The following DCDC2C variants were observed in gnomAD, a reference collection of about 807,000 sequenced individuals.
The protein encoded by DCDC2C is doublecortin domain containing 2C.
Under a neutral mutation model 45.0 loss-of-function variants are expected in DCDC2C, and 44 were observed. The observed-to-expected ratio is 0.98, with a 90% confidence interval of 0.77 to 1.26. The LOEUF (loss-of-function observed/expected upper bound fraction) is 1.26, where lower values mean the gene tolerates loss of function less well. DCDC2C is among the 50% of genes most tolerant of loss of function. DCDC2C has a pLI of 0.00. For missense variants in DCDC2C, 447 were observed against 468.9 expected (o/e 0.95, Z 0.43); for synonymous variants, 187 against 178.8 (o/e 1.05, Z -0.37).
At chr2:3,787,994 A>G (rs1448794587) in intron 10 of DCDC2C, among the ~76,000 whole-genome samples, 4 of 152,248 alleles carry the variant, frequency 2.6e-5, no homozygotes, top group Non-Finnish European at 5.9e-5. Flanking sequence ...AAAAACAGCA[A>G]CAACAAAACA....
intron 10 of DCDC2C, among the ~76,000 whole-genome samples, chr2:3,835,213 G>A (rs867111439): frequency 1.3e-5 from 2 of 152,288 alleles, no homozygotes; most frequent in Middle Eastern, 3.4e-3. Context: ...TAAGAAATGC[G>A]GGGCGTTCCC....
chr2:3,755,671 G>T lies in DCDC2C; in HGVS notation c.726+1037G>T, dbSNP rs141473341. Among the ~76,000 whole-genome samples, 53 of 152,194 alleles carry T rather than the reference G, an allele frequency of 3.5e-4. No individual in the cohort carries two copies. The East Asian group carries it at 9.5e-3, about 27-fold the overall frequency. On this transcript the variant is annotated intron_variant, in intron 6 of 10. Transcript: ENST00000399143. ...TGTGTGTGTACATATGGATGCATAT[G>T]TGTGTGGATGTGTGTATGGATGCAT...
chr2:3,743,361 G>T (rs1276952882), intron 4 of DCDC2C, among the ~76,000 whole-genome samples: 2 of 152,180 alleles, frequency 1.3e-5, no homozygotes, highest in East Asian at 3.8e-4. Context: ...CAGACAGAAA[G>T]TCAATAAGGA....
chr2:3,795,020 G>A (rs938927828), intron 10 of DCDC2C, among the ~76,000 whole-genome samples: 12 of 152,132 alleles, frequency 7.9e-5, no homozygotes, highest in African/African-American at 2.9e-4. Flanking sequence ...ATCCTGTCCA[G>A]CACCTGTTGT....
At chr2:3,711,848 T>A (rs1347455996) in intron 2 of DCDC2C, among the ~76,000 whole-genome samples, 1 of 152,260 alleles carries the variant, frequency 6.6e-6, no homozygotes, top group African/African-American at 2.4e-5. Flanking sequence ...ATAATATTTC[T>A]GAAAACTTAC....
chr2:3,800,269 G>T (rs1049666768), intron 10 of DCDC2C, among the ~76,000 whole-genome samples: 3 of 152,164 alleles, frequency 2.0e-5, no homozygotes, highest in Admixed American at 6.5e-5. Context: ...CCCACTGTCT[G>T]GCACTCCCTA....
chr2:3,819,034 A>G (rs1423426934), intron 10 of DCDC2C, among the ~76,000 whole-genome samples: 1 of 152,206 alleles, frequency 6.6e-6, no homozygotes, highest in Non-Finnish European at 1.5e-5. Flanking sequence ...GGCCCTTGAA[A>G]GGAAGGTAAT....
intron 9 of DCDC2C, among the ~76,000 whole-genome samples, chr2:3,781,656 T>G (rs886921344): frequency 8.5e-5 from 13 of 152,122 alleles, no homozygotes; most frequent in African/African-American, 3.1e-4. Flanking sequence ...AGCCAGGAGT[T>G]TGAGAACAGC....
At chr2:3,800,322 C>G (rs1040664008) in intron 10 of DCDC2C, among the ~76,000 whole-genome samples, 9 of 152,168 alleles carry the variant, frequency 5.9e-5, no homozygotes, top group Admixed American at 3.9e-4. Flanking sequence ...CAGAAATCAC[C>G]CGTCTTCTGT....
At chr2:3,762,796 A>G (rs1211176762) in intron 6 of DCDC2C, among the ~76,000 whole-genome samples, 1 of 152,134 alleles carries the variant, frequency 6.6e-6, no homozygotes, top group Non-Finnish European at 1.5e-5. Flanking sequence ...TGGGAACAAG[A>G]CGACCTTTGA....
At chr2:3,718,921 T>G (rs879734541) in intron 2 of DCDC2C, among the ~76,000 whole-genome samples, 18 of 152,052 alleles carry the variant, frequency 1.2e-4, no homozygotes, top group Non-Finnish European at 2.6e-4. Context: ...CTGATTAGTG[T>G]GTTTTACAAT....
At chr2:3,711,403 A>G (rs192666235) in intron 2 of DCDC2C, among the ~76,000 whole-genome samples, 1 of 152,272 alleles carries the variant, frequency 6.6e-6, no homozygotes, top group East Asian at 1.9e-4. Context: ...AATGCCCATC[A>G]ATGACAGACT....
chr2:3,755,912 T>G (rs1669701434), intron 6 of DCDC2C, among the ~76,000 whole-genome samples: 7 of 152,084 alleles, frequency 4.6e-5, no homozygotes, highest in Admixed American at 4.6e-4. Flanking sequence ...ATGTATGTAT[T>G]CACATGCATA....
chr2:3,755,103 G>C (rs1187233902), intron 6 of DCDC2C, among the ~76,000 whole-genome samples: 1 of 152,158 alleles, frequency 6.6e-6, no homozygotes, highest in East Asian at 1.9e-4. Flanking sequence ...ATGTACTGGT[G>C]CATGTGTGTG....
rs568761439 is a variant in DCDC2C at position 3,847,851 on chromosome 2, C to G, written c.*668C>G. Reference sequence around the variant, plus strand: ...TGTTTAAAAGTGTGTAGCACTTCCCCCTTCACTCTCTCTCTCCTGCTCTGC... The same window carrying G: ...TGTTTAAAAGTGTGTAGCACTTCCCGCTTCACTCTCTCTCTCCTGCTCTGC... On this transcript the variant is annotated 3_prime_UTR_variant, in exon 11 of 11. Transcript: ENST00000399143. Among the ~76,000 whole-genome samples the G allele has an allele frequency of 6.6e-6, 1 of 152,218 alleles. No individual in the cohort carries two copies. The highest frequency in any genetic ancestry group is 2.4e-5 in the African/African-American group (1 of 41,528).
intron 4 of DCDC2C, among the ~76,000 whole-genome samples, chr2:3,745,720 G>T (rs116678884): frequency 0.015 from 2,280 of 152,142 alleles, 60 homozygotes; most frequent in African/African-American, 0.051. Context: ...GGTTAGAAAC[G>T]AAGACAGTTC....
At chr2:3,816,836 A>G (rs977117768) in intron 10 of DCDC2C, among the ~76,000 whole-genome samples, 2 of 152,194 alleles carry the variant, frequency 1.3e-5, no homozygotes, top group Non-Finnish European at 2.9e-5. Context: ...GGGGGCCTGA[A>G]TAATCCCTGA....
intron 9 of DCDC2C, among the ~76,000 whole-genome samples, chr2:3,782,929 T>C (rs765332719): frequency 1.3e-5 from 2 of 152,300 alleles, no homozygotes; most frequent in East Asian, 3.9e-4. Flanking sequence ...CAAAGCAAGA[T>C]GGAAAGTATG....
chr2:3,791,790 C>T (rs975733332), intron 10 of DCDC2C, among the ~76,000 whole-genome samples: 3 of 152,222 alleles, frequency 2.0e-5, no homozygotes, highest in Non-Finnish European at 4.4e-5. Context: ...AATGTCTTCT[C>T]CTCTAAGCCA....
Sources: allele counts gnomAD v4.1 joint callset (sites outside exome capture counted in the v4.1 genomes callset), GRCh38; gene constraint gnomAD v4.1.1; transcripts MANE v1.5; gene names NCBI Gene and HGNC (gene_info 2026-07-23, HGNC 2026-07-21).